The following PALM2AKAP2 variants were observed in gnomAD, a reference collection of about 807,000 sequenced individuals.
PALM2AKAP2 encodes the protein PALM2 and AKAP2 fusion.
Under a neutral mutation model 71.5 loss-of-function variants are expected in PALM2AKAP2, and 37 were observed. The observed-to-expected ratio is 0.52, with a 90% CI of 0.40 to 0.68. The LOEUF (loss-of-function observed/expected upper bound fraction) is 0.68, where lower values mean the gene tolerates loss of function less well. Ranked by LOEUF, PALM2AKAP2 falls within the 30% of genes least tolerant of loss-of-function variation. The probability of loss-of-function intolerance (pLI) is 0.00; values close to 1 mark genes in which losing one functional copy is unlikely to be tolerated. For synonymous variants in PALM2AKAP2, 468 were observed against 478.8 expected (o/e 0.98, Z 0.29); for missense variants, 1,224 against 1,191.8 (o/e 1.03, Z -0.40).
chr9:109,705,155 G>A (rs1828123088), intron 1 of PALM2AKAP2, among the ~76,000 whole-genome samples: 1 of 152,194 alleles, frequency 6.6e-6, no homozygotes. Flanking sequence ...TCCTTCAAAT[G>A]AGTGAACAAT....
chr9:110,083,653 GA>G (rs1353042600), intron 1 of PALM2AKAP2, among the ~76,000 whole-genome samples: 1 of 152,108 alleles, frequency 6.6e-6, no homozygotes, highest in Non-Finnish European at 1.5e-5. Context: ...TGGTAGCAAA[GA>G]GAAGATCCTA....
chr9:109,894,024 TA>T (rs552808725), intron 3 of PALM2AKAP2, among the ~76,000 whole-genome samples: 54,951 of 132,796 alleles, frequency 0.41, 12,225 homozygotes, highest in Admixed American at 0.52. Context: ...GTTGCTTATT[TA>T]AAAAAAAAAA....
intron 3 of PALM2AKAP2, among the ~76,000 whole-genome samples, chr9:109,882,735 T>C (rs1829880941): frequency 6.6e-6 from 1 of 152,146 alleles, no homozygotes; most frequent in Admixed American, 6.6e-5. Context: ...GTCAAACTTC[T>C]GGACTTAAGC....
At chr9:109,805,407 A>G (rs918233191) in intron 1 of PALM2AKAP2, among the ~76,000 whole-genome samples, 3 of 151,938 alleles carry the variant, frequency 2.0e-5, no homozygotes, top group African/African-American at 7.2e-5. Context: ...CTGAATTAGA[A>G]TTACTGTGTC....
chr9:109,728,224 T>C (rs202151414), intron 1 of PALM2AKAP2, among the ~76,000 whole-genome samples: 1 of 152,086 alleles, frequency 6.6e-6, no homozygotes, highest in East Asian at 1.9e-4. Flanking sequence ...TGTGTTATGA[T>C]AACAACATTC....
rs1192529678 is a variant in PALM2AKAP2, at chr9:109,888,727, AAAAAAG to A, written c.257+8049_257+8054del. ...TTTTGCCTCCAAAAAAAAAAAAAAAAAAAAAGAATAGTGCTGTTCTTATTGTTGTTT... is the reference window on the plus strand; with the variant it reads ...TTTTGCCTCCAAAAAAAAAAAAAAAAAATAGTGCTGTTCTTATTGTTGTTT... On this transcript the variant is annotated intron_variant, in intron 3 of 9. Coordinates refer to the PALM2AKAP2 transcript ENST00000302798. Among the ~76,000 whole-genome samples the A allele has an allele frequency of 1.1e-4, 16 of 151,480 alleles. No individual in the cohort carries two copies. The East Asian group carries it at 2.7e-3, about 26-fold the overall frequency.
intron 1 of PALM2AKAP2, among the ~76,000 whole-genome samples, chr9:109,715,866 T>C (rs570129228): frequency 2.3e-4 from 35 of 152,344 alleles, no homozygotes; most frequent in Non-Finnish European, 3.8e-4. Context: ...TTCTTCTTCT[T>C]TGTTAAGCAA....
chr9:109,703,008 G>A (rs1171300151), intron 1 of PALM2AKAP2, among the ~76,000 whole-genome samples: 3 of 151,904 alleles, frequency 2.0e-5, no homozygotes, highest in Non-Finnish European at 4.4e-5. Context: ...TAGTAGAGAT[G>A]GGGTTTCACC....
intron 6 of PALM2AKAP2, among the ~76,000 whole-genome samples, chr9:109,999,586 C>A (rs1832642156): frequency 6.6e-6 from 1 of 152,178 alleles, no homozygotes; most frequent in Non-Finnish European, 1.5e-5. Context: ...CCCAAAACTT[C>A]CTGCCCAGAA....
At chr9:109,875,652 A>G (rs958221045) in intron 2 of PALM2AKAP2, among the ~76,000 whole-genome samples, 2 of 152,200 alleles carry the variant, frequency 1.3e-5, no homozygotes, top group African/African-American at 4.8e-5. Context: ...ATTGCCAGTG[A>G]CAGCATCACC....
chr9:110,124,772 C>G (rs1318793794), intron 1 of PALM2AKAP2, among the ~76,000 whole-genome samples: 4 of 152,196 alleles, frequency 2.6e-5, no homozygotes, highest in Non-Finnish European at 4.4e-5. Flanking sequence ...TCATCTCAGA[C>G]TTCAGATGCA....
chr9:109,740,703 G>T (rs1828703919), intron 1 of PALM2AKAP2, among the ~76,000 whole-genome samples: 2 of 152,164 alleles, frequency 1.3e-5, no homozygotes, highest in Non-Finnish European at 2.9e-5. Context: ...TGTCAGGCTG[G>T]AGTGCAGTGG....
At position 109,674,110 on chromosome 9, in the gene PALM2AKAP2, G is replaced by A. The variant is rs561674106; in HGVS notation, c.5+33244G>A. 9.1e-4 allele frequency among the ~76,000 whole-genome samples: 138 copies of A among 152,018 alleles called. 2 individuals are homozygous for A. The South Asian group carries it at 0.027, about 29-fold the overall frequency. ...TTTCTTCTGTACTGTCCAGTCTGCT[G>A]TTAATTTCATTCAATGAATTTTTGG... On this transcript the variant is annotated intron_variant, in intron 1 of 6. Coordinates refer to the PALM2AKAP2 transcript ENST00000374531.
intron 1 of PALM2AKAP2, among the ~76,000 whole-genome samples, chr9:109,761,219 G>A (rs1446089367): frequency 6.6e-6 from 1 of 152,162 alleles, no homozygotes; most frequent in Non-Finnish European, 1.5e-5. Flanking sequence ...AACCAACAGG[G>A]TATGTGGAAA....
intron 1 of PALM2AKAP2, among the ~76,000 whole-genome samples, chr9:109,734,117 A>C (rs1828595157): frequency 6.6e-6 from 1 of 152,234 alleles, no homozygotes; most frequent in Non-Finnish European, 1.5e-5. Flanking sequence ...TTTTCTTGGC[A>C]GAGTCTACAG....
intron 1 of PALM2AKAP2, among the ~76,000 whole-genome samples, chr9:109,672,134 A>G (rs971803322): frequency 6.6e-6 from 1 of 152,036 alleles, no homozygotes; most frequent in Non-Finnish European, 1.5e-5. Context: ...GACTTCCACT[A>G]CTACATTAAA....
At chr9:109,989,186 G>A (rs893398031) in intron 6 of PALM2AKAP2, among the ~76,000 whole-genome samples, 3 of 152,148 alleles carry the variant, frequency 2.0e-5, no homozygotes, top group Non-Finnish European at 2.9e-5. Context: ...AATCTGGAGC[G>A]AAAAGGACAC....
chr9:110,009,300 T>G (rs1178729090), intron 6 of PALM2AKAP2, among the ~76,000 whole-genome samples: 1 of 152,176 alleles, frequency 6.6e-6, no homozygotes, highest in Non-Finnish European at 1.5e-5. Flanking sequence ...CTAACCAAGG[T>G]CAGAGCTAAG....
intron 6 of PALM2AKAP2, among the ~76,000 whole-genome samples, chr9:109,937,551 G>A (rs1033444555): frequency 6.6e-5 from 10 of 152,068 alleles, no homozygotes; most frequent in African/African-American, 2.2e-4. Flanking sequence ...CTTAAAAACA[G>A]CATATTACTC....
Sources: allele counts gnomAD v4.1 joint callset (sites outside exome capture counted in the v4.1 genomes callset), GRCh38; gene constraint gnomAD v4.1.1; transcripts MANE v1.5; gene names NCBI Gene and HGNC (gene_info 2026-07-23, HGNC 2026-07-21).